PHACTR2: variants seen among roughly 807,000 people sequenced by gnomAD.
The protein encoded by PHACTR2 is chromosome 6 open reading frame 56.
In PHACTR2, 30 loss-of-function variants were observed where a neutral mutation model predicts 76.0. The observed-to-expected ratio is 0.39, with a 90% CI of 0.30 to 0.54. The LOEUF is 0.54. Ranked by LOEUF, PHACTR2 falls within the 20% of genes least tolerant of loss-of-function variation. The probability of loss-of-function intolerance (pLI) is 0.61; values close to 1 mark genes in which losing one functional copy is unlikely to be tolerated. For missense variants in PHACTR2, 696 were observed against 781.1 expected (o/e 0.89, Z 1.30); for synonymous variants, 292 against 292.5 (o/e 1.00, Z 0.02).
chr6:143,538,935 G>T (rs1222268938), intron 1 of PHACTR2, among the ~76,000 whole-genome samples: 3 of 152,172 alleles, frequency 2.0e-5, no homozygotes, highest in African/African-American at 7.2e-5. Context: ...CCTGCTCTTG[G>T]TGTGCTGGCC....
At position 143,751,791 on chromosome 6, in the gene PHACTR2, TACACACACACACACAC is replaced by T. The variant is rs71024875; in HGVS notation, c.296-1944_296-1929del. On this transcript the variant is annotated intron_variant, in intron 3 of 12. Transcript: ENST00000440869. The surrounding 1 kb of genome is among the most constrained non-coding windows in gnomAD (Gnocchi z 5.7). ...TCCTTTGCTCTGCTTGTATTTTACT[TACACACACACACACAC>T]ACACACACACACACACACTATATCA... Among the ~76,000 whole-genome samples, 1 of 140,268 alleles carries T rather than the reference TACACACACACACACAC, an allele frequency of 7.1e-6. No homozygotes were observed. Among genetic ancestry groups the T allele is most frequent in the African/African-American group, 2.6e-5 (1 of 37,926 alleles). 92.0% of individuals were successfully genotyped at this position (140,268 alleles called of 152,430 possible).
intron 6 of PHACTR2, among the ~76,000 whole-genome samples, chr6:143,769,028 T>C (rs1193079066): frequency 6.6e-6 from 1 of 152,226 alleles, no homozygotes; most frequent in Admixed American, 6.5e-5. Flanking sequence ...TACTTAGAAC[T>C]TTCCTTCTGA....
In PHACTR2 at chr6:143,820,550, TC is replaced by T. The variant is rs1776395903; in HGVS notation, c.1923-3121del. On this transcript the variant is annotated intron_variant, in intron 12 of 12. Coordinates refer to ENST00000440869, the MANE Select transcript of PHACTR2 (RefSeq NM_001100164.2). This position sits in a 1 kb window ranked among gnomAD's most constrained non-coding sequence, Gnocchi z 4.2. ...CAAAATAATCTCCTCTGACTCCATGTCCCATGTCCTGGGTACTCTGGTGTAA... is the reference window on the plus strand; with the variant it reads ...CAAAATAATCTCCTCTGACTCCATGTCCATGTCCTGGGTACTCTGGTGTAA... 6.6e-6 allele frequency among the ~76,000 whole-genome samples: 1 copy of T among 152,228 alleles called. No homozygotes were observed. Among genetic ancestry groups the T allele is most frequent in the Non-Finnish European group, 1.5e-5 (1 of 68,036 alleles).
intron 2 of PHACTR2, among the ~76,000 whole-genome samples, chr6:143,726,092 A>C (rs1379238887): frequency 3.9e-5 from 6 of 152,198 alleles, no homozygotes; most frequent in African/African-American, 1.4e-4. Flanking sequence ...TGTGAGCAAA[A>C]GTTTTCATTT....
Position 143,750,972 on chromosome 6 carries a change from T to TTTAC in PHACTR2, c.295+1907_295+1908insTTAC, listed in dbSNP as rs1779170907. 1.3e-5 allele frequency among the ~76,000 whole-genome samples: 2 copies of TTTAC among 152,180 alleles called. No individual in the cohort carries two copies. Among genetic ancestry groups the TTTAC allele is most frequent in the African/African-American group, 4.8e-5 (2 of 41,450 alleles). ...GGTTCCTGAGGATGTCAGTAGTAAA[T>TTTAC]GGAGTCCTTCCCCTTTTCAGCTGAG... On this transcript the variant is annotated intron_variant, in intron 3 of 12. Coordinates refer to ENST00000440869, the MANE Select transcript of PHACTR2 (RefSeq NM_001100164.2). This position sits in a 1 kb window ranked among gnomAD's most constrained non-coding sequence, Gnocchi z 4.6.
rs1368203805 is a variant in PHACTR2 at position 143,777,184 on chromosome 6, T to C, written c.1590-144T>C. ...CCATGATCTGTAGTCTCCAAACTAA[T>C]GGGAAGGAGACTTTTATTTTGCAGC... On this transcript the variant is annotated intron_variant, in intron 8 of 12. Transcript: ENST00000440869. This position sits in a 1 kb window ranked among gnomAD's most constrained non-coding sequence, Gnocchi z 4.6. 2 of 539,902 alleles carry C rather than the reference T, an allele frequency of 3.7e-6. No individual in the cohort carries two copies. Among genetic ancestry groups the C allele is most frequent in the African/African-American group, 3.9e-5 (2 of 51,320 alleles). 33.4% of individuals were successfully genotyped at this position (539,902 alleles called of 1,614,324 possible). A position where few individuals can be genotyped will look rare whatever the true frequency, so the allele number is the denominator to read the frequency against.
In PHACTR2 at chr6:143,684,025, T is replaced by C. The variant is rs1371883767; in HGVS notation, c.46+5816T>C. Among the ~76,000 whole-genome samples the C allele has an allele frequency of 1.3e-5, 2 of 152,222 alleles. No homozygotes were observed. The highest frequency in any genetic ancestry group is 2.9e-5 in the Non-Finnish European group (2 of 68,034). ...ATTCTATAAATGAACACTATTATAG[T>C]ATGTGGATATATGAAAACTTCCTTT... is the stretch of plus-strand genomic sequence containing the variant. On this transcript the variant is annotated intron_variant, in intron 1 of 12. Coordinates refer to ENST00000440869, the MANE Select transcript of PHACTR2 (RefSeq NM_001100164.2). This position sits in a 1 kb window ranked among gnomAD's most constrained non-coding sequence, Gnocchi z 4.3.
At position 143,803,974 on chromosome 6, in the gene PHACTR2, G is replaced by A. The variant is rs1776014625; in HGVS notation, c.1846-3083G>A. Among the ~76,000 whole-genome samples, 1 of 152,220 alleles carries A rather than the reference G, an allele frequency of 6.6e-6. No homozygotes were observed. Among genetic ancestry groups the A allele is most frequent in the Admixed American group, 6.5e-5 (1 of 15,288 alleles). The stretch of plus-strand genomic sequence containing the variant: ...CGCATCTCTCTCTAGCAAGTCATGT[G>A]ACCTCTCTAGGCCTCCATTGCATCA... On this transcript the variant is annotated intron_variant, in intron 11 of 12. Transcript: ENST00000440869. This position sits in a 1 kb window ranked among gnomAD's most constrained non-coding sequence, Gnocchi z 4.7.
Position 143,556,168 on chromosome 6 carries a change from T to C in PHACTR2, c.217+18961T>C, listed in dbSNP as rs984572498. Among the ~76,000 whole-genome samples, 2 of 152,228 alleles carry C rather than the reference T, an allele frequency of 1.3e-5. No homozygotes were observed. Among genetic ancestry groups the C allele is most frequent in the African/African-American group, 4.8e-5 (2 of 41,468 alleles). On this transcript the variant is annotated intron_variant, in intron 1 of 11. Transcript: ENST00000367584. This position sits in a 1 kb window ranked among gnomAD's most constrained non-coding sequence, Gnocchi z 4.3. ...CTTTTAGGACTTCAGGCAGGGATCATTACTAAAGTCCCTAGCTTTGATTAG... is the reference window on the plus strand; with the variant it reads ...CTTTTAGGACTTCAGGCAGGGATCACTACTAAAGTCCCTAGCTTTGATTAG...
rs962439455 is a variant in PHACTR2, at chr6:143,689,792, A to C, written c.46+11583A>C. On this transcript the variant is annotated intron_variant, in intron 1 of 12. Coordinates refer to ENST00000440869, the MANE Select transcript of PHACTR2 (RefSeq NM_001100164.2). This position sits in a 1 kb window ranked among gnomAD's most constrained non-coding sequence, Gnocchi z 4.4. ...ACTGCAACCTCCGGCTCCTGGGTTC[A>C]AGTGATTCTCCTGCCTCAGCCTCCC... is the stretch of plus-strand genomic sequence containing the variant. Among the ~76,000 whole-genome samples the C allele has an allele frequency of 6.6e-6, 1 of 150,854 alleles. No homozygotes were observed. The highest frequency in any genetic ancestry group is 1.5e-5 in the Non-Finnish European group (1 of 67,900).
In PHACTR2 at chr6:143,561,648, G is replaced by T. The variant is rs560690286; in HGVS notation, c.217+24441G>T. Among the ~76,000 whole-genome samples the T allele has an allele frequency of 3.9e-5, 6 of 152,376 alleles. No homozygotes were observed. Among genetic ancestry groups the T allele is most frequent in the Non-Finnish European group, 7.3e-5 (5 of 68,044 alleles). ...CTGGCCTGGCCTCTGCATTCCCACA[G>T]AAGTAGTGGTGAGAGGAGTCAAGTT... On this transcript the variant is annotated intron_variant, in intron 1 of 11. Coordinates refer to the PHACTR2 transcript ENST00000367584. This position sits in a 1 kb window ranked among gnomAD's most constrained non-coding sequence, Gnocchi z 4.1.
chr6:143,618,256 A>AACACACACACACAC lies in PHACTR2; in HGVS notation c.13+9951_13+9964dup, dbSNP rs66800720. Among the ~76,000 whole-genome samples the AACACACACACACAC allele has an allele frequency of 3.3e-4, 48 of 145,212 alleles. No individual in the cohort carries two copies. Among genetic ancestry groups the AACACACACACACAC allele is most frequent in the African/African-American group, 1.2e-3 (47 of 38,804 alleles). On this transcript the variant is annotated intron_variant, in intron 1 of 11. Coordinates refer to the PHACTR2 transcript ENST00000305766. The surrounding 1 kb of genome is among the most constrained non-coding windows in gnomAD (Gnocchi z 5.2). Reference sequence around the variant, plus strand: ...GTTCCACCTTGTACTTCCTGCTCCAAACACACACACACACACACACACACA... The same window carrying AACACACACACACAC: ...GTTCCACCTTGTACTTCCTGCTCCAAACACACACACACACACACACACACACACACACACACACA...
chr6:143,719,108 C>A (rs1468019506), intron 2 of PHACTR2, among the ~76,000 whole-genome samples: 1 of 151,214 alleles, frequency 6.6e-6, no homozygotes, highest in Non-Finnish European at 1.5e-5. Flanking sequence ...GTCTTGAACT[C>A]CTGACCTCAG....
At position 143,602,870 on chromosome 6, in the gene PHACTR2, C is replaced by T. The variant is rs1029437811; in HGVS notation, c.217+65663C>T. Among the ~76,000 whole-genome samples the T allele has an allele frequency of 2.0e-5, 3 of 152,080 alleles. No individual in the cohort carries two copies. Among genetic ancestry groups the T allele is most frequent in the Non-Finnish European group, 4.4e-5 (3 of 68,024 alleles). On this transcript the variant is annotated intron_variant, in intron 1 of 11. Transcript: ENST00000367584. This position sits in a 1 kb window ranked among gnomAD's most constrained non-coding sequence, Gnocchi z 6.1. ...GTAAAGAGGGTAAGTGTGGGCTGGG[C>T]ACAGTGGCTCATGCCTGTAACCCCA...
rs546362380 is a variant in PHACTR2, at chr6:143,749,009, G to A, written c.239G>A (p.Arg80Gln). Residue 80 changes from arginine to glutamine, a missense_variant, in exon 3 of 13, where the codon CGA becomes CAA. By Grantham distance (43) the Arg-to-Gln change is conservative. Transcript: ENST00000440869. Reference protein sequence around the residue: ...SAVLERKISTRQSREELIRRG... With the variant: ...SAVLERKISTQQSREELIRRG... ...GTATTAGAAAGGAAGATATCCACAC[G>A]ACAAAGTAGAGAGGAGCTGATAAGA... 9 of 1,583,508 alleles carry A rather than the reference G, an allele frequency of 5.7e-6. No homozygotes were observed. The highest frequency in any genetic ancestry group is 4.5e-5 in the East Asian group (2 of 44,688).
At chr6:143,813,466 A>C (rs1776224309) in intron 12 of PHACTR2, among the ~76,000 whole-genome samples, 1 of 151,986 alleles carries the variant, frequency 6.6e-6, no homozygotes, top group Admixed American at 6.6e-5. Flanking sequence ...AAAAATACAA[A>C]AAATTAGCTG....
chr6:143,784,422 G>A lies in PHACTR2; in HGVS notation c.1707+1142G>A, dbSNP rs1775503924. Among the ~76,000 whole-genome samples, 1 of 152,014 alleles carries A rather than the reference G, an allele frequency of 6.6e-6. No homozygotes were observed. The highest frequency in any genetic ancestry group is 1.5e-5 in the Non-Finnish European group (1 of 68,006). ...ATAAATCCTTCTAATCATTCTTCAG[G>A]CATACCTTATGCACCTAAAAATGGA... On this transcript the variant is annotated intron_variant, in intron 10 of 12. Transcript: ENST00000440869. This position sits in a 1 kb window ranked among gnomAD's most constrained non-coding sequence, Gnocchi z 4.5.
At position 143,710,631 on chromosome 6, in the gene PHACTR2, T is replaced by G. The variant is rs1433574503; in HGVS notation, c.47-1385T>G. On this transcript the variant is annotated intron_variant, in intron 1 of 12. Transcript: ENST00000440869. This position sits in a 1 kb window ranked among gnomAD's most constrained non-coding sequence, Gnocchi z 4.9. Reference sequence around the variant, plus strand: ...AGAATTGCTTGAACCAAGGAGGCGGTGGTTGCAGTGAGCTGAGATCGCGCC... The same window carrying G: ...AGAATTGCTTGAACCAAGGAGGCGGGGGTTGCAGTGAGCTGAGATCGCGCC... Among the ~76,000 whole-genome samples, 2 of 152,082 alleles carry G rather than the reference T, an allele frequency of 1.3e-5. No individual in the cohort carries two copies. The highest frequency in any genetic ancestry group is 2.9e-5 in the Non-Finnish European group (2 of 68,004).
chr6:143,785,382 C>T (rs191956754), intron 10 of PHACTR2, among the ~76,000 whole-genome samples: 11 of 152,338 alleles, frequency 7.2e-5, no homozygotes, highest in Admixed American at 3.9e-4. Flanking sequence ...GGTGGGTTCC[C>T]ATGGTCTTGG....
Sources: allele counts gnomAD v4.1 joint callset (sites outside exome capture counted in the v4.1 genomes callset), GRCh38; gene constraint gnomAD v4.1.1; non-coding constraint Gnocchi (gnomAD v3.1); transcripts MANE v1.5; gene names NCBI Gene and HGNC (gene_info 2026-07-23, HGNC 2026-07-21).